TRIM9: variants seen among roughly 807,000 people sequenced by gnomAD.
The protein encoded by TRIM9 is E3 ubiquitin-protein ligase TRIM9.
Under a neutral mutation model 78.3 loss-of-function variants are expected in TRIM9, and 26 were observed. The ratio of observed to expected loss-of-function variants is 0.33; its 90% CI spans 0.24 to 0.46. TRIM9 has a LOEUF of 0.46. Among genes scored for constraint, TRIM9 ranks in the 20% least tolerant of loss-of-function variants. The pLI, the probability that TRIM9 is intolerant of heterozygous loss-of-function variation, is 1.00. For synonymous variants in TRIM9, 398 were observed against 416.5 expected (o/e 0.96, Z 0.54); for missense variants, 787 against 1,036.4 (o/e 0.76, Z 3.30).
In TRIM9 at chr14:51,072,424, C is replaced by T. The variant is rs563674511; in HGVS notation, c.822+21694G>A. On this transcript the variant is annotated intron_variant, in intron 1 of 12. Transcript: ENST00000684578. Reference sequence around the variant, plus strand: ...TCAGTTATGGATTAACAGACTGCATCCAGGTATCTAAATATAAATTTTTAA... The same window carrying T: ...TCAGTTATGGATTAACAGACTGCATTCAGGTATCTAAATATAAATTTTTAA... Among the ~76,000 whole-genome samples the T allele has an allele frequency of 3.2e-4, 49 of 152,192 alleles. No homozygotes were observed. In the South Asian group the frequency reaches 3.7e-3, roughly 12 times the overall value.
intron 7 of TRIM9, chr14:50,996,811 T>C (rs1040470517): frequency 1.0e-5 from 10 of 985,336 alleles, no homozygotes; most frequent in Non-Finnish European, 1.1e-5. Flanking sequence ...GAACAGGTCA[T>C]GTGGGCATTT....
intron 1 of TRIM9, among the ~76,000 whole-genome samples, chr14:51,076,710 T>C (rs554586471): frequency 6.6e-6 from 1 of 152,354 alleles, no homozygotes; most frequent in African/African-American, 2.4e-5. Flanking sequence ...ATTCCTTTCA[T>C]CTTCGCAACA....
At position 50,977,215 on chromosome 14, in the gene TRIM9, C is replaced by T. The variant is rs537915685; in HGVS notation, c.*76G>A. The T allele has an allele frequency of 2.5e-5, 32 of 1,287,042 alleles. No homozygotes were observed. Among genetic ancestry groups the T allele is most frequent in the Middle Eastern group, 4.2e-4 (2 of 4,806 alleles). 79.7% of individuals were successfully genotyped at this position (1,287,042 alleles called of 1,614,324 possible). ...CTCCTGCCAACTCTGCACCCCACCA[C>T]GGCTGGCTGAGCTCCTTGCTGTGGC... On this transcript the variant is annotated 3_prime_UTR_variant, in exon 13 of 13. Transcript: ENST00000684578.
chr14:50,992,528 G>A (rs1021084380), intron 7 of TRIM9, among the ~76,000 whole-genome samples: 15 of 152,064 alleles, frequency 9.9e-5, no homozygotes, highest in Non-Finnish European at 4.4e-5. Flanking sequence ...AGCCACGATC[G>A]TGACACTGCA....
At position 50,979,556 on chromosome 14, in the gene TRIM9, G is replaced by A; in HGVS notation, c.2163-7C>T. The A allele has an allele frequency of 1.9e-6, 3 of 1,610,354 alleles. No homozygotes were observed. Among genetic ancestry groups the A allele is most frequent in the African/African-American group, 1.3e-5 (1 of 74,618 alleles). ...TGTGATCCCTCCCTCAGTTCTGTAG[G>A]AAAAGAGAAAAATTGGGGTTCATTT... is the stretch of plus-strand genomic sequence containing the variant. On this transcript the variant is annotated splice_polypyrimidine_tract_variant and splice_region_variant and intron_variant, in intron 11 of 12. Coordinates refer to ENST00000684578, the MANE Select transcript of TRIM9 (RefSeq NM_001387360.1).
rs61987472 is a variant in TRIM9, at chr14:51,086,590, A to G, written c.822+7528T>C. Among the ~76,000 whole-genome samples, 245 of 152,358 alleles carry G rather than the reference A, an allele frequency of 1.6e-3. No homozygotes were observed. In the South Asian group the frequency reaches 0.018, roughly 11 times the overall value. ...AACGGAGTAAAAGAAGATAGATAAG[A>G]AACAGTCTATGGAATTGAGTTATTA... On this transcript the variant is annotated intron_variant, in intron 1 of 12. Coordinates refer to ENST00000684578, the MANE Select transcript of TRIM9 (RefSeq NM_001387360.1).
chr14:51,028,907 G>A (rs975905521), intron 1 of TRIM9, among the ~76,000 whole-genome samples: 4 of 152,032 alleles, frequency 2.6e-5, no homozygotes, highest in African/African-American at 4.8e-5. Flanking sequence ...CGTGGCTTTC[G>A]TCCTCAGCTT....
chr14:51,046,887 G>A (rs2059991235), intron 1 of TRIM9, among the ~76,000 whole-genome samples: 1 of 152,156 alleles, frequency 6.6e-6, no homozygotes, highest in Admixed American at 6.5e-5. Context: ...TATCTTAAAT[G>A]CCAGGAAAAC....
At chr14:51,013,184 G>A (rs1315681189) in intron 3 of TRIM9, among the ~76,000 whole-genome samples, 9 of 151,078 alleles carry the variant, frequency 6.0e-5, no homozygotes, top group Admixed American at 5.9e-4. Context: ...GATCTGTTAT[G>A]AGGTCATTTT....
chr14:51,046,072 A>G (rs1401998576), intron 1 of TRIM9, among the ~76,000 whole-genome samples: 1 of 150,674 alleles, frequency 6.6e-6, no homozygotes, highest in Non-Finnish European at 1.5e-5. Flanking sequence ...TACGATAGAG[A>G]GGTAAAAATG....
At chr14:50,997,849 T>A (rs1048023878) in intron 7 of TRIM9, 2 of 1,401,786 alleles carry the variant, frequency 1.4e-6, no homozygotes, top group African/African-American at 2.9e-5. Flanking sequence ...GAACTGCCGA[T>A]GTGGAATCTT....
At chr14:51,032,988 A>T (rs1388330881) in intron 1 of TRIM9, among the ~76,000 whole-genome samples, 1 of 152,250 alleles carries the variant, frequency 6.6e-6, no homozygotes, top group African/African-American at 2.4e-5. Context: ...ACTGGTAAGT[A>T]TAAGGTAAAT....
intron 7 of TRIM9, chr14:50,996,921 G>A: frequency 4.1e-6 from 4 of 985,360 alleles, no homozygotes; most frequent in Non-Finnish European, 4.8e-6. Context: ...CCTTGCTGTA[G>A]GATTCAAAAT....
At chr14:51,062,293 T>C (rs2061411301) in intron 1 of TRIM9, among the ~76,000 whole-genome samples, 1 of 152,190 alleles carries the variant, frequency 6.6e-6, no homozygotes, top group Non-Finnish European at 1.5e-5. Flanking sequence ...TGGGCCATCT[T>C]TGGGCATGCC....
rs545381747 is a variant in TRIM9, at chr14:50,995,439, T to A, written c.1603+2611A>T. On this transcript the variant is annotated intron_variant, in intron 7 of 12. Coordinates refer to ENST00000684578, the MANE Select transcript of TRIM9 (RefSeq NM_001387360.1). ...TGGTCACTTATCAAGCACTGCCCAA[T>A]AAATAGACAGATAAATTTGCTTTCG... 2.6e-5 allele frequency among the ~76,000 whole-genome samples: 4 copies of A among 152,258 alleles called. No homozygotes were observed. The South Asian group carries it at 6.2e-4, about 24-fold the overall frequency.
chr14:51,035,927 C>G (rs2059107155), intron 1 of TRIM9, among the ~76,000 whole-genome samples: 1 of 152,214 alleles, frequency 6.6e-6, no homozygotes, highest in South Asian at 2.1e-4. Flanking sequence ...CCTGACAGAG[C>G]CTTGTACAGA....
At chr14:51,047,467 A>G (rs1353769782) in intron 1 of TRIM9, among the ~76,000 whole-genome samples, 2 of 152,196 alleles carry the variant, frequency 1.3e-5, no homozygotes, top group African/African-American at 4.8e-5. Flanking sequence ...ATTCGGTGCA[A>G]TGAGGACACC....
At chr14:51,013,348 G>A (rs765582524) in intron 3 of TRIM9, among the ~76,000 whole-genome samples, 9 of 151,878 alleles carry the variant, frequency 5.9e-5, no homozygotes, top group Admixed American at 1.3e-4. Context: ...AAGTATGTAA[G>A]AGTTTATTTC....
At chr14:50,981,261 A>G (rs2051846407) in intron 11 of TRIM9, among the ~76,000 whole-genome samples, 1 of 152,240 alleles carries the variant, frequency 6.6e-6, no homozygotes, top group Non-Finnish European at 1.5e-5. Context: ...AGAGTTCTCT[A>G]TAAGTAGAAA....
Sources: allele counts gnomAD v4.1 joint callset (sites outside exome capture counted in the v4.1 genomes callset), GRCh38; gene constraint gnomAD v4.1.1; transcripts MANE v1.5; gene names NCBI Gene and HGNC (gene_info 2026-07-23, HGNC 2026-07-21).